Variants in SEMA5B observed in about 807,000 individuals in gnomAD.
SEMA5B encodes semaphorin 5B.
In SEMA5B, 66 loss-of-function variants were observed where a neutral mutation model predicts 135.0. That is an observed-to-expected ratio of 0.49 (90% confidence interval 0.40 to 0.60). The LOEUF is 0.60. Among genes scored for constraint, SEMA5B ranks in the 20% least tolerant of loss-of-function variants. The pLI is 0.00. For missense variants in SEMA5B, 1,501 were observed against 1,566.3 expected, an observed-to-expected ratio of 0.96 and a Z score of 0.70; for synonymous variants, 690 against 639.5, an observed-to-expected ratio of 1.08 and a Z score of -1.19.
intron 1 of SEMA5B, among the ~76,000 whole-genome samples, chr3:123,026,247 T>C (rs1034981845): frequency 1.3e-5 from 2 of 152,204 alleles, no homozygotes; most frequent in African/African-American, 4.8e-5. Flanking sequence ...CCCAATTCCG[T>C]TGGCCGGGAA....
chr3:122,949,899 A>G (rs1939969115), intron 2 of SEMA5B, among the ~76,000 whole-genome samples: 1 of 152,120 alleles, frequency 6.6e-6, no homozygotes, highest in African/African-American at 2.4e-5. Context: ...CCCTAGCCCC[A>G]CTGCTCCCCA....
At chr3:122,994,943 G>C (rs1941991414) in intron 1 of SEMA5B, among the ~76,000 whole-genome samples, 1 of 152,180 alleles carries the variant, frequency 6.6e-6, no homozygotes, top group Admixed American at 6.5e-5. Context: ...CTTGCAGTGG[G>C]AAGGAGGCCT....
intron 10 of SEMA5B, among the ~76,000 whole-genome samples, 189 bp downstream of exon 10, chr3:122,923,428 A>G (rs947857634): frequency 6.6e-6 from 1 of 151,838 alleles, no homozygotes; most frequent in Non-Finnish European, 1.5e-5. Flanking sequence ...ACTGCCCCTC[A>G]CCCACTCTCC....
At chr3:123,021,924 CA>C (rs1437072907) in intron 1 of SEMA5B, among the ~76,000 whole-genome samples, 2 of 152,128 alleles carry the variant, frequency 1.3e-5, no homozygotes, top group Non-Finnish European at 2.9e-5. Flanking sequence ...TCTGAAGATG[CA>C]GTGACTGGCA....
intron 20 of SEMA5B, 31 bp from the exon 21 acceptor site, chr3:122,911,566 G>C: frequency 1.2e-6 from 2 of 1,600,658 alleles, no homozygotes; most frequent in Non-Finnish European, 1.7e-6. Flanking sequence ...AGGGTGTCAG[G>C]GGCGGAGACG....
chr3:123,022,420 G>C (rs1942705531), intron 1 of SEMA5B, among the ~76,000 whole-genome samples: 1 of 152,238 alleles, frequency 6.6e-6, no homozygotes, highest in African/African-American at 2.4e-5. Context: ...ATTAAACGCA[G>C]AACAATGAGG....
At chr3:122,981,808 A>AG (rs146068922) in intron 1 of SEMA5B, among the ~76,000 whole-genome samples, 4,069 of 152,342 alleles carry the variant, frequency 0.027, 158 homozygotes, top group African/African-American at 0.085. Context: ...TAGAAGCAGA[A>AG]GGGGGTCTCA....
chr3:123,022,765 T>G (rs1405368684), intron 1 of SEMA5B, among the ~76,000 whole-genome samples: 3 of 152,192 alleles, frequency 2.0e-5, no homozygotes, highest in African/African-American at 7.2e-5. Flanking sequence ...TCTGCAAGGT[T>G]TGGGTTTCAT....
chr3:122,959,842 C>T (rs1026167318), intron 2 of SEMA5B, among the ~76,000 whole-genome samples: 1 of 152,162 alleles, frequency 6.6e-6, no homozygotes, highest in African/African-American at 2.4e-5. Context: ...AAGGTAATAT[C>T]ATGAGTAGGA....
chr3:123,012,954 A>C (rs185532759), intron 1 of SEMA5B, among the ~76,000 whole-genome samples: 1 of 152,274 alleles, frequency 6.6e-6, no homozygotes, highest in African/African-American at 2.4e-5. Context: ...CCTTAGAGAC[A>C]GACAGAGCCT....
At chr3:122,985,710 G>A (rs1941676858) in intron 1 of SEMA5B, among the ~76,000 whole-genome samples, 2 of 152,162 alleles carry the variant, frequency 1.3e-5, no homozygotes, top group Admixed American at 6.5e-5. Context: ...CTTGCGGGAG[G>A]AGGTGTGAGC....
At chr3:122,982,576 C>T (rs1351865468) in intron 1 of SEMA5B, among the ~76,000 whole-genome samples, 1 of 152,188 alleles carries the variant, frequency 6.6e-6, no homozygotes, top group African/African-American at 2.4e-5. Flanking sequence ...CATTCAACAG[C>T]CAACTTTTTA....
chr3:122,956,758 C>T (rs1353739372), intron 2 of SEMA5B, among the ~76,000 whole-genome samples: 2 of 152,152 alleles, frequency 1.3e-5, no homozygotes, highest in African/African-American at 4.8e-5. Context: ...CACGAGGATG[C>T]ATCGGGCCGG....
chr3:122,910,431 A>G lies in SEMA5B; in HGVS notation c.3298-130T>C. 3.2e-6 allele frequency: 3 copies of G among 929,604 alleles called. No individual in the cohort carries two copies. In the East Asian group the frequency reaches 7.4e-5, roughly 23 times the overall value. The allele number at this position is 929,604 out of a possible 1,614,324, so 57.6% of individuals were successfully genotyped here. ...ACTGCGGATCCAGTGCTCTGTTCACACCACCACTGCCCAGTTCCACCCAGC... is the reference window on the plus strand; with the variant it reads ...ACTGCGGATCCAGTGCTCTGTTCACGCCACCACTGCCCAGTTCCACCCAGC... On this transcript the variant is annotated intron_variant, in intron 22 of 22. Transcript: ENST00000357599.
At position 122,927,952 on chromosome 3, in the gene SEMA5B, G is replaced by C. The variant is rs1428941919; in HGVS notation, c.688C>G (p.Pro230Ala). ...IEKINGVARC[P>A]YDPRHNSTAV... ...GTGGAGTTGTGGCGTGGGTCATAGG[G>C]GCAGCGGGCCACACCATTGATCTTC... The change falls in exon 8 of 23, where the codon CCC (proline) becomes GCC (alanine). Residue 230 changes from proline (P) to alanine (A), a missense_variant. Around this residue, in one of 2 missense-constraint regions of SEMA5B, gnomAD observed 574 missense variants for 684.7 expected, o/e 0.84. Transcript: ENST00000357599. The C allele has an allele frequency of 1.3e-6, 2 of 1,573,712 alleles. No homozygotes were observed. The highest frequency in any genetic ancestry group is 4.7e-5 in the East Asian group (2 of 42,388).
At chr3:122,984,428 C>A (rs760791169) in intron 1 of SEMA5B, among the ~76,000 whole-genome samples, 6 of 152,248 alleles carry the variant, frequency 3.9e-5, no homozygotes, top group Admixed American at 6.5e-5. Context: ...TTTGCTGTCG[C>A]TTGTCAGTCG....
chr3:122,975,872 C>T (rs1405528513), intron 1 of SEMA5B: 10 of 1,284,118 alleles, frequency 7.8e-6, no homozygotes, highest in Non-Finnish European at 7.4e-6. Context: ...TCCAAACACC[C>T]TGCATAGCAA....
intron 1 of SEMA5B, among the ~76,000 whole-genome samples, chr3:123,021,536 CT>C (rs1212663368): frequency 5.3e-5 from 8 of 152,336 alleles, no homozygotes; most frequent in Non-Finnish European, 1.0e-4. Context: ...AACTGCAGCT[CT>C]TTTGTATTCC....
chr3:122,966,560 ATTAT>A (rs1296420604), intron 1 of SEMA5B, among the ~76,000 whole-genome samples: 1 of 137,640 alleles, frequency 7.3e-6, no homozygotes, highest in African/African-American at 3.3e-5. Context: ...TATTATTATT[ATTAT>A]TATTTTTTGA....
Sources: gnomAD v4.1 joint callset for allele counts (sites outside exome capture counted in the v4.1 genomes callset) on GRCh38, gnomAD v4.1.1 for gene constraint, gnomAD v4.1.1 regional missense constraint, MANE v1.5 for transcripts, NCBI Gene and HGNC (gene_info 2026-07-23, HGNC 2026-07-21) for gene names.